MYO18B: variants seen among roughly 807,000 people sequenced by gnomAD.
The protein encoded by MYO18B is myosin XVIIIB.
In MYO18B, 204 loss-of-function variants were observed where a neutral mutation model predicts 273.0. That is an observed-to-expected ratio of 0.75 (90% CI 0.67 to 0.84). The LOEUF (loss-of-function observed/expected upper bound fraction) is 0.84, where lower values mean the gene tolerates loss of function less well. Among genes scored for constraint, MYO18B ranks in the 40% least tolerant of loss-of-function variants. The probability of loss-of-function intolerance (pLI) is 0.00; values close to 1 mark genes in which losing one functional copy is unlikely to be tolerated. For missense variants in MYO18B, 3,212 were observed against 3,287.6 expected (o/e 0.98, Z 0.56); for synonymous variants, 1,330 against 1,305.7 (o/e 1.02, Z -0.40).
Position 25,992,544 on chromosome 22 carries a change from C to G in MYO18B, c.6287+51C>G, listed in dbSNP as rs988994872. On this transcript the variant is annotated intron_variant, in intron 40 of 43. Transcript: ENST00000335473. ...CTGGGCGCAGCAGGTGGGCGGCATCCTGGGGAGCTCTATGCCCTTTAGCCG... is the reference window on the plus strand; with the variant it reads ...CTGGGCGCAGCAGGTGGGCGGCATCGTGGGGAGCTCTATGCCCTTTAGCCG... The G allele has an allele frequency of 1.2e-4, 199 of 1,609,662 alleles. 1 individual carries two copies. The highest frequency in any genetic ancestry group is 1.0e-3 in the Middle Eastern group (6 of 5,996).
chr22:25,836,698 C>T (rs1036914073), intron 17 of MYO18B, among the ~76,000 whole-genome samples: 4 of 152,172 alleles, frequency 2.6e-5, no homozygotes, highest in African/African-American at 9.6e-5. Context: ...CAGTGGCTCA[C>T]GCCTGTAATC....
At chr22:25,856,806 TAG>T (rs1358065701) in intron 21 of MYO18B, among the ~76,000 whole-genome samples, 6 of 152,188 alleles carry the variant, frequency 3.9e-5, no homozygotes, top group African/African-American at 1.4e-4. Context: ...TTAGCCAAGT[TAG>T]AGAGTCTGGG....
intron 11 of MYO18B, among the ~76,000 whole-genome samples, chr22:25,794,700 T>G (rs928719246): frequency 4.6e-5 from 7 of 151,692 alleles, no homozygotes; most frequent in Non-Finnish European, 4.4e-5. Context: ...GAGATGGGGT[T>G]TCACCGTGTT....
At chr22:25,977,999 G>C (rs527447303) in intron 39 of MYO18B, among the ~76,000 whole-genome samples, 8 of 152,282 alleles carry the variant, frequency 5.3e-5, no homozygotes, top group African/African-American at 1.9e-4. Flanking sequence ...TGCTACCCAA[G>C]TTATGAATTT....
chr22:25,748,380 G>C (rs1166023499), intron 1 of MYO18B, among the ~76,000 whole-genome samples: 1 of 152,192 alleles, frequency 6.6e-6, no homozygotes, highest in Non-Finnish European at 1.5e-5. Context: ...CCAGGATATA[G>C]GAGAAGTAGG....
chr22:25,908,286 G>A, intron 31 of MYO18B, 36 bp from the exon 32 acceptor site: 1 of 1,512,056 alleles, frequency 6.6e-7, no homozygotes, highest in Non-Finnish European at 9.0e-7. Flanking sequence ...AGTTAGAGTG[G>A]GTCACCCTCA....
rs544002183 is a variant in MYO18B at position 25,995,295 on chromosome 22, A to G, written c.6287+2802A>G. Among the ~76,000 whole-genome samples, 5 of 152,336 alleles carry G rather than the reference A, an allele frequency of 3.3e-5. No homozygotes were observed. The South Asian group carries it at 6.2e-4, about 19-fold the overall frequency. On this transcript the variant is annotated intron_variant, in intron 40 of 43. Coordinates refer to ENST00000335473, the MANE Select transcript of MYO18B (RefSeq NM_032608.7). ...GGTGGGATGGCTAATGGGTACAAAA[A>G]TGTAGTTAGAATGAATGAATAAGGC...
At chr22:26,000,615 G>C (rs1933867567) in intron 40 of MYO18B, among the ~76,000 whole-genome samples, 1 of 149,222 alleles carries the variant, frequency 6.7e-6, no homozygotes, top group African/African-American at 2.5e-5. Flanking sequence ...CTGTCCCGAA[G>C]GCTTCATTGC....
chr22:25,974,995 C>G (rs1394329939), intron 39 of MYO18B, among the ~76,000 whole-genome samples: 1 of 152,084 alleles, frequency 6.6e-6, no homozygotes, highest in Admixed American at 6.6e-5. Context: ...ATGGGGGAGA[C>G]TGTTGGAATC....
At chr22:25,828,440 C>A (rs1483840049) in intron 14 of MYO18B, among the ~76,000 whole-genome samples, 1 of 151,798 alleles carries the variant, frequency 6.6e-6, no homozygotes, top group African/African-American at 2.4e-5. Context: ...TTTAATAGGC[C>A]TCTGAAGAAA....
At chr22:25,924,382 T>G (rs2092391094) in intron 34 of MYO18B, among the ~76,000 whole-genome samples, 1 of 152,208 alleles carries the variant, frequency 6.6e-6, no homozygotes, top group Non-Finnish European at 1.5e-5. Context: ...GTACCTACTG[T>G]GTGTCAGGCA....
chr22:25,894,127 G>T (rs1390594100), intron 27 of MYO18B, among the ~76,000 whole-genome samples: 1 of 152,178 alleles, frequency 6.6e-6, no homozygotes, highest in East Asian at 1.9e-4. Flanking sequence ...CAAGTTTGTT[G>T]TCTTATTAAT....
At position 26,027,862 on chromosome 22, in the gene MYO18B, C is replaced by T. The variant is rs931269207; in HGVS notation, c.*12+172C>T. 6 of 656,856 alleles carry T rather than the reference C, an allele frequency of 9.1e-6. No homozygotes were observed. The highest frequency in any genetic ancestry group is 1.5e-5 in the Non-Finnish European group (6 of 396,518). The allele number at this position is 656,856 out of a possible 1,614,324, so 40.7% of individuals were successfully genotyped here. A position where few individuals can be genotyped will look rare whatever the true frequency, so the allele number is the denominator to read the frequency against. ...TTGATGGATGCAAAGCTTTTCAGAA[C>T]CCCTCTGCTGGGTACCTCTACTTCC... On this transcript the variant is annotated intron_variant, in intron 43 of 43. Transcript: ENST00000335473. This position sits in a 1 kb window ranked among gnomAD's most constrained non-coding sequence, Gnocchi z 4.1.
chr22:25,925,133 A>G (rs2092401181), intron 34 of MYO18B, among the ~76,000 whole-genome samples: 4 of 152,160 alleles, frequency 2.6e-5, no homozygotes, highest in Admixed American at 2.6e-4. Flanking sequence ...ACTATGTACC[A>G]GACTTTTCCT....
intron 21 of MYO18B, among the ~76,000 whole-genome samples, chr22:25,856,239 G>A (rs768360896): frequency 2.0e-5 from 3 of 152,114 alleles, no homozygotes; most frequent in Non-Finnish European, 4.4e-5. Context: ...CCATGCTAAT[G>A]GGTGTGAGAT....
intron 1 of MYO18B, among the ~76,000 whole-genome samples, chr22:25,745,017 C>T (rs1387907793): frequency 6.6e-6 from 1 of 152,300 alleles, no homozygotes; most frequent in East Asian, 1.9e-4. Context: ...ATAGTCAAAT[C>T]CACCATATAT....
intron 34 of MYO18B, among the ~76,000 whole-genome samples, chr22:25,937,185 G>A (rs1275465078): frequency 1.3e-5 from 2 of 151,966 alleles, no homozygotes; most frequent in African/African-American, 2.4e-5. Flanking sequence ...CTGGGTTCAA[G>A]CAGTTCTCCC....
In MYO18B at chr22:26,001,078, T is replaced by C. The variant is rs116899906; in HGVS notation, c.6288-2187T>C. Among the ~76,000 whole-genome samples the C allele has an allele frequency of 2.2e-3, 342 of 152,262 alleles. 8 individuals carry two copies. In the East Asian group the frequency reaches 0.038, roughly 17 times the overall value. On this transcript the variant is annotated intron_variant, in intron 40 of 43. Transcript: ENST00000335473. Reference sequence around the variant, plus strand: ...AAGATTGTCCCTTTAGATTCTTCACTGTTTTTTTTTTCTCCCACATTGTGA... The same window carrying C: ...AAGATTGTCCCTTTAGATTCTTCACCGTTTTTTTTTTCTCCCACATTGTGA...
Position 25,777,569 on chromosome 22 carries a change from T to C in MYO18B, c.1870-14T>C. 6.4e-7 allele frequency: 1 copy of C among 1,572,284 alleles called. No homozygotes were observed. The highest frequency in any genetic ancestry group is 1.2e-5 in the South Asian group (1 of 83,084). ...GGCTGGATGGGATGGCTGATACCTG[T>C]GATCTTCCTGCAGGTGCCCAAGGGC... On this transcript the variant is annotated splice_polypyrimidine_tract_variant and intron_variant, in intron 7 of 43. Transcript: ENST00000335473.
Sources: allele counts gnomAD v4.1 joint callset (sites outside exome capture counted in the v4.1 genomes callset), GRCh38; gene constraint gnomAD v4.1.1; non-coding constraint Gnocchi (gnomAD v3.1); transcripts MANE v1.5; gene names NCBI Gene and HGNC (gene_info 2026-07-23, HGNC 2026-07-21).